Variants in RBM47 observed in about 807,000 individuals in gnomAD.
RBM47 encodes RNA-binding protein 47.
Under a neutral mutation model 47.1 loss-of-function variants are expected in RBM47, and 21 were observed. The observed-to-expected ratio is 0.45, with a 90% CI of 0.32 to 0.64. The LOEUF (loss-of-function observed/expected upper bound fraction) is 0.64. RBM47 is among the 30% of genes least tolerant of loss of function. The probability of loss-of-function intolerance (pLI) is 0.05; values close to 1 mark genes in which losing one functional copy is unlikely to be tolerated. For missense variants in RBM47, 708 were observed against 870.9 expected, an observed-to-expected ratio of 0.81 and a Z score of 2.35; for synonymous variants, 375 against 361.7, an observed-to-expected ratio of 1.04 and a Z score of -0.42.
Position 40,534,936 on chromosome 4 carries a change from G to GGA in RBM47, c.-155+9485_-155+9486insTC, listed in dbSNP as rs1553897789. On this transcript the variant is annotated intron_variant, in intron 2 of 6. Coordinates refer to ENST00000295971, the MANE Select transcript of RBM47 (RefSeq NM_001098634.2). The stretch of plus-strand genomic sequence containing the variant: ...GGCGATGGAGCAAGACTCCGTCTCA[G>GGA]AAAAAAAAAAAAAAAAAAATGCAAA... 4.1e-5 allele frequency among the ~76,000 whole-genome samples: 4 copies of GGA among 96,922 alleles called. 1 individual carries two copies. The highest frequency in any genetic ancestry group is 4.2e-5 in the Non-Finnish European group (2 of 47,244). 63.6% of individuals were successfully genotyped at this position (96,922 alleles called of 152,430 possible). A position where few individuals can be genotyped will look rare whatever the true frequency, so the allele number is the denominator to read the frequency against.
intron 1 of RBM47, among the ~76,000 whole-genome samples, chr4:40,625,784 G>A (rs766054492): frequency 6.6e-6 from 1 of 152,118 alleles, no homozygotes. Flanking sequence ...ACTGGATGTT[G>A]TTTTCTTGAT....
intron 5 of RBM47, 131 bp from the exon 6 acceptor site, chr4:40,432,993 CT>C: frequency 7.0e-6 from 9 of 1,294,760 alleles, no homozygotes; most frequent in Non-Finnish European, 9.2e-6. Context: ...CAGGGTCTCA[CT>C]CTGTGGCCCA....
At chr4:40,528,250 A>C (rs2154258540) in intron 2 of RBM47, among the ~76,000 whole-genome samples, 1 of 152,256 alleles carries the variant, frequency 6.6e-6, no homozygotes, top group East Asian at 1.9e-4. Flanking sequence ...ATCTCTATTA[A>C]AAATACAAAA....
chr4:40,627,413 C>T (rs1428504616), intron 1 of RBM47, among the ~76,000 whole-genome samples: 1 of 152,090 alleles, frequency 6.6e-6, no homozygotes, highest in Non-Finnish European at 1.5e-5. Context: ...AAGAAAATCT[C>T]CCTCCCTTCA....
intron 1 of RBM47, among the ~76,000 whole-genome samples, chr4:40,569,016 T>TAGATAGATAGATAGACAGAC (rs1472373539): frequency 3.3e-4 from 33 of 98,894 alleles, no homozygotes; most frequent in African/African-American, 1.1e-3. Context: ...GATAGATAGA[T>TAGATAGATAGATAGACAGAC]AGACAGACAG....
At chr4:40,550,073 A>G in intron 1 of RBM47, among the ~76,000 whole-genome samples, 1 of 152,206 alleles carries the variant, frequency 6.6e-6, no homozygotes, top group East Asian at 1.9e-4. Flanking sequence ...TAGCCAGAGG[A>G]TAACCACCAC....
chr4:40,566,662 A>C (rs951386314), intron 1 of RBM47, among the ~76,000 whole-genome samples: 6 of 151,984 alleles, frequency 3.9e-5, no homozygotes, highest in Admixed American at 6.6e-5. Flanking sequence ...AAACAAAAAG[A>C]GTTAGATATC....
intron 1 of RBM47, among the ~76,000 whole-genome samples, chr4:40,588,321 C>G (rs1405868449): frequency 6.6e-6 from 1 of 152,168 alleles, no homozygotes; most frequent in African/African-American, 2.4e-5. Flanking sequence ...CCAAGGTAAT[C>G]ACTCCTGGGC....
rs2291580 is a variant in RBM47 at position 40,438,198 on chromosome 4, T to C, written c.696A>G (p.Glu232=). 0.81 allele frequency: 1,294,624 copies of C among 1,607,328 alleles called. 525,424 individuals are homozygous for C. The highest frequency in any genetic ancestry group is 0.83 in the South Asian group (75,920 of 91,082). The part of the protein sequence containing the change: ...WGHQIAVDWA[E]PEIDVDEDVM... ...CGTCCTCGTCCACGTCGATCTCAGG[T>C]TCGGCCCAGTCCACGGCGATCTGGT... Residue 232 remains glutamate (E), a synonymous_variant, in exon 4 of 7, where the codon GAA becomes GAG. Coordinates refer to ENST00000295971, the MANE Select transcript of RBM47 (RefSeq NM_001098634.2).
chr4:40,514,693 A>C (rs187300856), intron 2 of RBM47: 1 of 152,360 alleles, frequency 6.6e-6, no homozygotes, highest in Non-Finnish European at 1.5e-5. Context: ...ATAATGGTCG[A>C]AAAGATATCA....
chr4:40,592,631 C>A (rs2154275413), intron 1 of RBM47, among the ~76,000 whole-genome samples: 1 of 151,378 alleles, frequency 6.6e-6, no homozygotes, highest in East Asian at 2.0e-4. Flanking sequence ...TCTATGTTGG[C>A]CAGGCTGGTC....
rs1173996362 is a variant in RBM47, at chr4:40,432,843, C to T, written c.1350G>A (p.Gly450=). ...CTGCTGGAAACATGGAATACTGAGC[C>T]CCAATGGCAGGGATGGCTACTGCAA... The part of the protein sequence containing the change: ...KPGTVAIPAI[G]AQYSMFPAAP... The change falls in exon 6 of 7, where the codon GGG becomes GGA. Residue 450 remains glycine (G), a synonymous_variant. Transcript: ENST00000295971. 3 of 1,613,102 alleles carry T rather than the reference C, an allele frequency of 1.9e-6. No homozygotes were observed. The highest frequency in any genetic ancestry group is 1.1e-5 in the South Asian group (1 of 90,782).
intron 2 of RBM47, among the ~76,000 whole-genome samples, chr4:40,517,078 G>A (rs1050901148): frequency 2.0e-5 from 3 of 151,974 alleles, no homozygotes; most frequent in Middle Eastern, 6.8e-3. Flanking sequence ...GGGTATTTGC[G>A]TGTCCTCAAA....
At chr4:40,527,769 G>A (rs1340602814) in intron 2 of RBM47, among the ~76,000 whole-genome samples, 1 of 148,360 alleles carries the variant, frequency 6.7e-6, no homozygotes, top group Non-Finnish European at 1.5e-5. Flanking sequence ...TGTTTGGGGG[G>A]TGGGGGGGTG....
At chr4:40,588,373 C>G (rs1444007992) in intron 1 of RBM47, among the ~76,000 whole-genome samples, 1 of 152,106 alleles carries the variant, frequency 6.6e-6, no homozygotes, top group Non-Finnish European at 1.5e-5. Context: ...ATTGAACACT[C>G]AAAGAAAATA....
intron 2 of RBM47, chr4:40,544,183 C>CACCT (rs1460392524): frequency 6.6e-6 from 1 of 152,184 alleles, no homozygotes; most frequent in Non-Finnish European, 1.5e-5. Context: ...CATTCAAATA[C>CACCT]ACCTCTGTCA....
intron 2 of RBM47, among the ~76,000 whole-genome samples, chr4:40,532,882 G>A (rs372772679): frequency 6.6e-6 from 1 of 152,030 alleles, no homozygotes; most frequent in East Asian, 1.9e-4. Context: ...GTAGCTTATA[G>A]CCTCTTGCAA....
rs761716425 is a variant in RBM47 at position 40,436,466 on chromosome 4, G to A, written c.1305C>T (p.Asn435=). 4.5e-5 allele frequency: 72 copies of A among 1,613,842 alleles called. No individual in the cohort carries two copies. Among genetic ancestry groups the A allele is most frequent in the Non-Finnish European group, 5.8e-5 (68 of 1,180,032 alleles). The change falls in exon 5 of 7, where the codon AAC becomes AAT. Residue 435 remains asparagine (N), a synonymous_variant. Transcript: ENST00000295971. ...CTGTACCAGGTTTAATGGCAACTGG[G>A]TTGACGGTAGGGATTTCCAAATTCG... ...LVPNLEIPTV[N]PVAIKPGTVA...
intron 1 of RBM47, among the ~76,000 whole-genome samples, chr4:40,545,048 CT>C (rs532170715): frequency 0.027 from 3,081 of 114,188 alleles, 60 homozygotes; most frequent in African/African-American, 0.063. Context: ...GAGTGAGATC[CT>C]TTTTTTTTTT....
Sources: allele counts gnomAD v4.1 joint callset (sites outside exome capture counted in the v4.1 genomes callset), GRCh38; gene constraint gnomAD v4.1.1; transcripts MANE v1.5; gene names NCBI Gene and HGNC (gene_info 2026-07-23, HGNC 2026-07-21).